RALGAPA2: variants seen among roughly 807,000 people sequenced by gnomAD.
RALGAPA2 encodes Ral GTPase activating protein catalytic subunit alpha 2.
In RALGAPA2, 139 loss-of-function variants were observed where a neutral mutation model predicts 230.4. The observed-to-expected ratio is 0.60, with a 90% CI of 0.53 to 0.69. The LOEUF (loss-of-function observed/expected upper bound fraction) is 0.69. RALGAPA2 is among the 30% of genes least tolerant of loss of function. RALGAPA2 has a pLI of 0.00. For missense variants in RALGAPA2, 2,163 were observed against 2,276.0 expected (o/e 0.95, Z 1.01); for synonymous variants, 847 against 837.8 (o/e 1.01, Z -0.19).
chr20:20,575,225 C>T (rs1200633925), intron 20 of RALGAPA2, among the ~76,000 whole-genome samples: 2 of 152,100 alleles, frequency 1.3e-5, no homozygotes, highest in African/African-American at 2.4e-5. Flanking sequence ...ATACTCACAG[C>T]TCTACATGCC....
chr20:20,579,613 CT>C (rs2064924158), intron 20 of RALGAPA2, among the ~76,000 whole-genome samples: 1 of 152,090 alleles, frequency 6.6e-6, no homozygotes, highest in Non-Finnish European at 1.5e-5. Context: ...ATTACTGACA[CT>C]TTTTTTATGG....
rs919562139 is a variant in RALGAPA2 at position 20,437,240 on chromosome 20, C to T, written c.5496-25092G>A. Among the ~76,000 whole-genome samples the T allele has an allele frequency of 6.6e-6, 1 of 152,190 alleles. No homozygotes were observed. The highest frequency in any genetic ancestry group is 1.5e-5 in the Non-Finnish European group (1 of 68,034). On this transcript the variant is annotated intron_variant, in intron 37 of 39. Coordinates refer to ENST00000202677, the MANE Select transcript of RALGAPA2 (RefSeq NM_020343.4). The surrounding 1 kb of genome is among the most constrained non-coding windows in gnomAD (Gnocchi z 4.1). ...ACCACTCTGAACGTCCTGAAGACCG[C>T]CTGGTCACTGAGGCACACATGACTC...
chr20:20,573,154 T>C, intron 20 of RALGAPA2, 86 bp from the exon 21 acceptor site: 1 of 1,209,292 alleles, frequency 8.3e-7, no homozygotes, highest in Non-Finnish European at 1.1e-6. Flanking sequence ...ACCTTAGGTA[T>C]TCAAAGTAAA....
chr20:20,506,050 T>A (rs1044668504), intron 33 of RALGAPA2, among the ~76,000 whole-genome samples: 2 of 152,204 alleles, frequency 1.3e-5, no homozygotes, highest in Admixed American at 6.5e-5. Flanking sequence ...CACGATTTTA[T>A]GAGAAAAAGA....
intron 16 of RALGAPA2, 23 bp from the exon 17 acceptor site, chr20:20,591,337 C>A: frequency 6.2e-7 from 1 of 1,603,402 alleles, no homozygotes; most frequent in Non-Finnish European, 8.5e-7. Flanking sequence ...ACAAAACATG[C>A]AAAGTTACAG....
In RALGAPA2 at chr20:20,390,321, T is replaced by C. The variant is rs1284172292; in HGVS notation, c.*2968A>G. ...TGTGGCTCTTAGGAACCGCAGACTT[T>C]GTTGCTGAGGCAACCCAGGCTAAAT... On this transcript the variant is annotated 3_prime_UTR_variant, in exon 40 of 40. Coordinates refer to ENST00000202677, the MANE Select transcript of RALGAPA2 (RefSeq NM_020343.4). The C allele has an allele frequency of 1.3e-5, 2 of 152,380 alleles. No individual in the cohort carries two copies. The highest frequency in any genetic ancestry group is 1.9e-4 in the East Asian group (1 of 5,188). 9.4% of individuals were successfully genotyped at this position (152,380 alleles called of 1,614,324 possible).
intron 1 of RALGAPA2, among the ~76,000 whole-genome samples, chr20:20,701,159 C>T (rs2069341529): frequency 6.6e-6 from 1 of 152,222 alleles, no homozygotes; most frequent in Non-Finnish European, 1.5e-5. Flanking sequence ...GATTCTGCCA[C>T]TCATTGGATG....
chr20:20,456,063 A>G lies in RALGAPA2; in HGVS notation c.5495+16766T>C, dbSNP rs570101517. 7.2e-5 allele frequency among the ~76,000 whole-genome samples: 11 copies of G among 152,358 alleles called. No homozygotes were observed. The East Asian group carries it at 2.1e-3, about 29-fold the overall frequency. On this transcript the variant is annotated intron_variant, in intron 37 of 39. Coordinates refer to ENST00000202677, the MANE Select transcript of RALGAPA2 (RefSeq NM_020343.4). ...GAGCAGAGTGAACTCTATTGCTTTC[A>G]TGACTTAACTCTCTGGATTTAGAAG...
chr20:20,548,063 T>C (rs527642985), intron 23 of RALGAPA2, among the ~76,000 whole-genome samples: 1 of 152,104 alleles, frequency 6.6e-6, no homozygotes, highest in Non-Finnish European at 1.5e-5. Context: ...TATACTATAG[T>C]AACGTGACTT....
chr20:20,403,391 CCCT>C (rs1450797604), intron 38 of RALGAPA2, among the ~76,000 whole-genome samples: 1 of 152,178 alleles, frequency 6.6e-6, no homozygotes. Context: ...AAAGGTGCAT[CCCT>C]CTGTGTCCCC....
chr20:20,706,312 T>C (rs1453550397), intron 1 of RALGAPA2, among the ~76,000 whole-genome samples: 1 of 152,184 alleles, frequency 6.6e-6, no homozygotes, highest in East Asian at 1.9e-4. Context: ...CAAAGTTCCA[T>C]TTACATTCTA....
intron 15 of RALGAPA2, among the ~76,000 whole-genome samples, chr20:20,602,813 C>CGTGTGTGCGTGT (rs1555796918): frequency 6.8e-6 from 1 of 147,676 alleles, no homozygotes; most frequent in Non-Finnish European, 1.5e-5. Flanking sequence ...GAATGGCAGG[C>CGTGTGTGCGTGT]GTGTGTGTGT....
At chr20:20,460,843 T>C (rs914810341) in intron 37 of RALGAPA2, among the ~76,000 whole-genome samples, 6 of 152,140 alleles carry the variant, frequency 3.9e-5, no homozygotes, top group African/African-American at 1.2e-4. Flanking sequence ...TTATTGAATC[T>C]TGATGACCTA....
At chr20:20,461,953 C>A (rs2061311976) in intron 37 of RALGAPA2, among the ~76,000 whole-genome samples, 1 of 150,592 alleles carries the variant, frequency 6.6e-6, no homozygotes, top group South Asian at 2.1e-4. Flanking sequence ...CAGGAGGCAG[C>A]CCCTTCATTG....
At position 20,535,622 on chromosome 20, in the gene RALGAPA2, G is replaced by C. The variant is rs2063476377; in HGVS notation, c.3473+123C>G. The C allele has an allele frequency of 1.3e-5, 17 of 1,327,902 alleles. No individual in the cohort carries two copies. In the South Asian group the frequency reaches 3.4e-4, roughly 27 times the overall value. 82.3% of individuals were successfully genotyped at this position (1,327,902 alleles called of 1,614,324 possible). ...CATCTTCCTGGCATCATTCTTCCTA[G>C]ACTTTTCAGTCTGTATAAGAGCTAT... On this transcript the variant is annotated intron_variant, in intron 26 of 39. Coordinates refer to ENST00000202677, the MANE Select transcript of RALGAPA2 (RefSeq NM_020343.4).
intron 20 of RALGAPA2, 35 bp downstream of exon 20, chr20:20,583,015 T>C: frequency 3.1e-6 from 5 of 1,596,790 alleles, no homozygotes; most frequent in Non-Finnish European, 4.3e-6. Context: ...TCCCAGCTGT[T>C]TGCATTAGTG....
At chr20:20,550,671 C>T (rs1222720339) in intron 23 of RALGAPA2, among the ~76,000 whole-genome samples, 1 of 152,158 alleles carries the variant, frequency 6.6e-6, no homozygotes, top group Admixed American at 6.6e-5. Flanking sequence ...AGGTCCAAAG[C>T]CTTGTGTGAC....
chr20:20,504,871 T>C (rs1033146995), intron 34 of RALGAPA2: 6 of 509,468 alleles, frequency 1.2e-5, no homozygotes, highest in African/African-American at 8.4e-5. Flanking sequence ...TGTGTATAAA[T>C]GTATATATGT....
chr20:20,502,328 T>C (rs974114084), intron 35 of RALGAPA2, among the ~76,000 whole-genome samples: 15 of 152,062 alleles, frequency 9.9e-5, no homozygotes, highest in African/African-American at 3.6e-4. Flanking sequence ...TCGGCCAATA[T>C]AAAGCATCTG....
Sources: gnomAD v4.1 joint callset for allele counts (sites outside exome capture counted in the v4.1 genomes callset) on GRCh38, gnomAD v4.1.1 for gene constraint, Gnocchi (gnomAD v3.1) non-coding constraint, MANE v1.5 for transcripts, NCBI Gene and HGNC (gene_info 2026-07-23, HGNC 2026-07-21) for gene names.